BTG4: variants seen among roughly 807,000 people sequenced by gnomAD.
BTG4 encodes BTG anti-proliferation factor 4, also known as protein BTG4.
BTG4 carries 10 observed loss-of-function variants against 19.3 expected under a neutral mutation model. The ratio of observed to expected loss-of-function variants is 0.52; its 90% CI spans 0.32 to 0.88. The LOEUF (loss-of-function observed/expected upper bound fraction) is 0.88, where lower values mean the gene tolerates loss of function less well. BTG4 is among the 40% of genes least tolerant of loss of function. The pLI is 0.04. For synonymous variants in BTG4, 91 were observed against 95.7 expected (o/e 0.95, Z 0.29); for missense variants, 238 against 281.9 (o/e 0.84, Z 1.11).
At chr11:111,428,338 C>A in the BTG4 span, among the ~76,000 whole-genome samples, 8,842 of 152,160 alleles carry the variant, frequency 0.058, 346 homozygotes, top group Middle Eastern at 0.15. Flanking sequence ...AGAAAAGTCC[C>A]CCAATTCAGT....
the BTG4 span, among the ~76,000 whole-genome samples, chr11:111,452,096 C>T: frequency 1.3e-5 from 2 of 152,202 alleles, no homozygotes; most frequent in African/African-American, 2.4e-5. Context: ...CATTGCACCA[C>T]CACACTGATC....
intron 5 of BTG4, among the ~76,000 whole-genome samples, chr11:111,487,658 G>T (rs147906068): frequency 2.3e-4 from 35 of 152,218 alleles, no homozygotes; most frequent in African/African-American, 7.5e-4. Context: ...TGGAAAGAAA[G>T]AAGTCAAATT....
the BTG4 span, among the ~76,000 whole-genome samples, chr11:111,395,867 C>G: frequency 8.1e-4 from 124 of 152,350 alleles, 1 homozygote; most frequent in Non-Finnish European, 1.6e-3. Flanking sequence ...GTCTTCCAGC[C>G]AAACTTAGAG....
the BTG4 span, among the ~76,000 whole-genome samples, chr11:111,431,480 G>T: frequency 2.0e-5 from 3 of 152,314 alleles, no homozygotes; most frequent in East Asian, 5.8e-4. Flanking sequence ...TGAACACAGA[G>T]CATTTTGATT....
chr11:111,434,664 T>C, the BTG4 span, among the ~76,000 whole-genome samples: 2 of 151,422 alleles, frequency 1.3e-5, no homozygotes, highest in African/African-American at 2.4e-5. Flanking sequence ...CATGTAAATA[T>C]ACCCATCTAT....
the BTG4 span, chr11:111,456,572 T>C: frequency 1.5e-5 from 7 of 456,356 alleles, no homozygotes; most frequent in African/African-American, 1.2e-4. The surrounding 1 kb of genome is among the most constrained non-coding windows in gnomAD (Gnocchi z 4.2). Context: ...ACCAAGTTGA[T>C]GGTCCCTGGC....
the BTG4 span, among the ~76,000 whole-genome samples, chr11:111,437,244 C>G: frequency 3.3e-5 from 5 of 152,074 alleles, no homozygotes; most frequent in Middle Eastern, 3.4e-3. Flanking sequence ...GCCCAGAGAC[C>G]CCCTGCTCCC....
chr11:111,513,101 C>A, upstream of BTG4: 1 of 428,174 alleles, frequency 2.3e-6, no homozygotes, highest in South Asian at 1.6e-5. Context: ...CTGAGAAGCG[C>A]GGCGTCGGCG....
At chr11:111,481,274 G>A (rs1413906200) in intron 5 of BTG4, among the ~76,000 whole-genome samples, 1 of 151,722 alleles carries the variant, frequency 6.6e-6, no homozygotes, top group African/African-American at 2.4e-5. Flanking sequence ...AAACTATTAA[G>A]GAAATTGAAT....
At chr11:111,392,836 C>T in the BTG4 span, among the ~76,000 whole-genome samples, 5 of 152,176 alleles carry the variant, frequency 3.3e-5, no homozygotes, top group Non-Finnish European at 7.3e-5. Flanking sequence ...CCAACCTTGT[C>T]TCCTCTGGGT....
the BTG4 span, among the ~76,000 whole-genome samples, chr11:111,421,437 C>T: frequency 1.3e-5 from 2 of 152,184 alleles, 1 homozygote; most frequent in South Asian, 4.1e-4. Context: ...GCTAGTCAAC[C>T]GATTTGCAAA....
the BTG4 span, among the ~76,000 whole-genome samples, chr11:111,403,045 A>G: frequency 6.6e-6 from 1 of 152,068 alleles, no homozygotes; most frequent in African/African-American, 2.4e-5. Flanking sequence ...TGAATTACCA[A>G]ATCAATCTCA....
the BTG4 span, chr11:111,450,737 C>A: frequency 6.6e-6 from 1 of 152,336 alleles, no homozygotes; most frequent in East Asian, 1.9e-4. Flanking sequence ...CAGAGGGAAT[C>A]CCTGCTTGTT....
intron 1 of BTG4, among the ~76,000 whole-genome samples, chr11:111,499,587 TCTC>T (rs1355664378): frequency 1.3e-5 from 2 of 152,214 alleles, no homozygotes; most frequent in Non-Finnish European, 2.9e-5. Flanking sequence ...AATCAAGTGT[TCTC>T]CTTCCATATC....
chr11:111,384,549 A>G, the BTG4 span, among the ~76,000 whole-genome samples: 2 of 152,212 alleles, frequency 1.3e-5, no homozygotes, highest in Non-Finnish European at 2.9e-5. Context: ...AAATATTTTT[A>G]AAGTATTTAA....
At chr11:111,471,531 C>T (rs533796287) in intron 5 of BTG4, among the ~76,000 whole-genome samples, 1 of 152,132 alleles carries the variant, frequency 6.6e-6, no homozygotes, top group South Asian at 2.1e-4. Context: ...TCTGGTTTTC[C>T]TCCTTCTCTG....
At chr11:111,420,577 G>T in the BTG4 span, among the ~76,000 whole-genome samples, 2 of 152,342 alleles carry the variant, frequency 1.3e-5, no homozygotes, top group Admixed American at 6.5e-5. Flanking sequence ...AGTCACAGGA[G>T]CTGTATGTAG....
chr11:111,422,367 G>A, the BTG4 span, among the ~76,000 whole-genome samples: 2 of 152,182 alleles, frequency 1.3e-5, no homozygotes, highest in Non-Finnish European at 2.9e-5. Context: ...TCATGCTCAT[G>A]AGAAATGGCT....
chr11:111,465,512 T>C (rs1480781373), downstream of BTG4, among the ~76,000 whole-genome samples: 1 of 152,224 alleles, frequency 6.6e-6, no homozygotes, highest in African/African-American at 2.4e-5. Flanking sequence ...CAGTAAACTA[T>C]GTACTATTAC....
Sources: allele counts gnomAD v4.1 joint callset (sites outside exome capture counted in the v4.1 genomes callset), GRCh38; gene constraint gnomAD v4.1.1; non-coding constraint Gnocchi (gnomAD v3.1); transcripts MANE v1.5; gene names NCBI Gene and HGNC (gene_info 2026-07-23, HGNC 2026-07-21).